Variants in POLN observed in about 807,000 individuals in gnomAD.
POLN encodes the protein DNA polymerase nu, also known as DNA polymerase N.
A neutral mutation model predicts 113.5 loss-of-function variants in POLN; 108 were observed. That is an observed-to-expected ratio of 0.95 (90% CI 0.81 to 1.12). The LOEUF (loss-of-function observed/expected upper bound fraction) is 1.12. POLN is among the 50% of genes most tolerant of loss of function. POLN has a pLI of 0.00. For synonymous variants in POLN, 386 were observed against 391.5 expected, an observed-to-expected ratio of 0.99 and a Z score of 0.17; for missense variants, 1,097 against 1,077.1, an observed-to-expected ratio of 1.02 and a Z score of -0.26.
chr4:2,242,101 G>T lies in POLN; in HGVS notation c.-334C>A. On this transcript the variant is annotated 5_prime_UTR_variant, in exon 1 of 26. Coordinates refer to ENST00000511885, the MANE Select transcript of POLN (RefSeq NM_181808.4). ...CAGGAGCCCGCCGCCACCGCCCTCC[G>T]TGCCCCGCGCGCCTCGCACTGCCTC... 1 of 985,890 alleles carries T rather than the reference G, an allele frequency of 1.0e-6. No homozygotes were observed. Among genetic ancestry groups the T allele is most frequent in the Non-Finnish European group, 1.2e-6 (1 of 830,266 alleles). The allele number at this position is 985,890 out of a possible 1,614,324, so 61.1% of individuals were successfully genotyped here.
At chr4:2,222,714 T>TTTTTCCACAGGATCTA (rs1278047056) in intron 3 of POLN, among the ~76,000 whole-genome samples, 1 of 141,606 alleles carries the variant, frequency 7.1e-6, no homozygotes, top group African/African-American at 2.8e-5. Flanking sequence ...TTTTTTTTTA[T>TTTTTCCACAGGATCTA]TTTTCCACAG....
chr4:2,140,105 G>A (rs1455564222), intron 16 of POLN: 1 of 151,908 alleles, frequency 6.6e-6, no homozygotes, highest in Admixed American at 6.6e-5. Context: ...TTGAGACAGA[G>A]TCTCACTCTG....
intron 2 of POLN, among the ~76,000 whole-genome samples, chr4:2,236,788 G>A (rs1577799119): frequency 6.6e-6 from 1 of 151,696 alleles, no homozygotes; most frequent in Non-Finnish European, 1.5e-5. Flanking sequence ...GCTTGAACTC[G>A]GGAGGCAGAG....
chr4:2,085,749 C>A lies in POLN; in HGVS notation c.2066-5G>T. On this transcript the variant is annotated splice_region_variant and splice_polypyrimidine_tract_variant and intron_variant, in intron 20 of 25. Transcript: ENST00000511885. The stretch of plus-strand genomic sequence containing the variant: ...AAGCAGCCAGCCGCTCCTTCCCTGT[C>A]AGTCAGAGAGACGCATGTCAAAGCC... The A allele has an allele frequency of 6.2e-7, 1 of 1,613,452 alleles. No homozygotes were observed. The highest frequency in any genetic ancestry group is 1.1e-5 in the South Asian group (1 of 91,066).
intron 5 of POLN, among the ~76,000 whole-genome samples, chr4:2,203,883 G>A (rs1432330355): frequency 6.6e-6 from 1 of 152,070 alleles, no homozygotes; most frequent in African/African-American, 2.4e-5. Flanking sequence ...GCAGAGGAGG[G>A]TGGATCACCT....
intron 20 of POLN, among the ~76,000 whole-genome samples, chr4:2,092,329 A>G (rs1287652834): frequency 6.6e-6 from 1 of 152,262 alleles, no homozygotes; most frequent in Non-Finnish European, 1.5e-5. Context: ...ATAAACACTC[A>G]GATCAAGACC....
intron 3 of POLN, 28 bp downstream of exon 3, chr4:2,229,071 G>A: frequency 6.4e-7 from 1 of 1,558,972 alleles, no homozygotes; most frequent in Non-Finnish European, 8.8e-7. Flanking sequence ...AGTATCAAGA[G>A]AAAGAAAGGT....
chr4:2,165,407 G>A (rs531561218), intron 13 of POLN, among the ~76,000 whole-genome samples: 8 of 152,342 alleles, frequency 5.3e-5, no homozygotes, highest in Admixed American at 6.5e-5. Flanking sequence ...CACAGTGGCT[G>A]TCAGGGGCTG....
At chr4:2,135,391 C>T (rs1403328824) in intron 16 of POLN, among the ~76,000 whole-genome samples, 2 of 152,216 alleles carry the variant, frequency 1.3e-5, no homozygotes, top group Non-Finnish European at 2.9e-5. Context: ...CAATGCTCCC[C>T]GTTGGTTGTG....
At chr4:2,142,268 T>C (rs139859409) in intron 16 of POLN, among the ~76,000 whole-genome samples, 1 of 152,336 alleles carries the variant, frequency 6.6e-6, no homozygotes, top group African/African-American at 2.4e-5. Context: ...ATTCCTTTAT[T>C]CTCAGCTGTA....
At chr4:2,228,757 T>G (rs1734473867) in intron 3 of POLN, 1 of 208,128 alleles carries the variant, frequency 4.8e-6, no homozygotes, top group Non-Finnish European at 9.6e-6. Context: ...ACATATCTCT[T>G]GTTCACCACA....
chr4:2,141,732 G>A (rs34810108), intron 16 of POLN, among the ~76,000 whole-genome samples: 2 of 152,202 alleles, frequency 1.3e-5, no homozygotes, highest in Non-Finnish European at 2.9e-5. Context: ...CAGAAAACAT[G>A]GGCAGCCTTG....
intron 2 of POLN, chr4:2,238,555 G>A (rs1240478872): frequency 7.9e-6 from 10 of 1,270,784 alleles, no homozygotes; most frequent in African/African-American, 4.5e-5. Flanking sequence ...CTAGTATTTC[G>A]CAAAAACAAA....
At position 2,104,280 on chromosome 4, in the gene POLN, C is replaced by T. The variant is rs540634299; in HGVS notation, c.1983-8347G>A. Among the ~76,000 whole-genome samples, 7 of 152,338 alleles carry T rather than the reference C, an allele frequency of 4.6e-5. No homozygotes were observed. In the East Asian group the frequency reaches 1.2e-3, roughly 25 times the overall value. ...CACTGTATGGATAGACCATATCTTG[C>T]TTACTTGTTCTGCTGACAGACAGTT... On this transcript the variant is annotated intron_variant, in intron 19 of 25. Transcript: ENST00000511885.
intron 16 of POLN, among the ~76,000 whole-genome samples, chr4:2,136,459 T>A (rs1407359552): frequency 1.3e-5 from 2 of 152,242 alleles, no homozygotes; most frequent in East Asian, 3.8e-4. Context: ...GCCAGCCATG[T>A]GGATGGGGCA....
At chr4:2,081,163 GTGCCAGGGCCACAGATGAC>G in intron 22 of POLN, 127 bp from the exon 23 acceptor site, 1 of 1,596,746 alleles carries the variant, frequency 6.3e-7, no homozygotes, top group Non-Finnish European at 8.5e-7. Flanking sequence ...AGCTGTCTGA[GTGCCAGGGCCACAGATGAC>G]TGCAGGCAGA....
intron 6 of POLN, among the ~76,000 whole-genome samples, chr4:2,195,545 G>A (rs1343092973): frequency 1.3e-5 from 2 of 149,462 alleles, no homozygotes; most frequent in Admixed American, 6.7e-5. Context: ...GTGCAGTAGT[G>A]CAATCACAGC....
At chr4:2,207,849 T>C (rs934693056) in intron 5 of POLN, 138 bp downstream of exon 5, 4 of 965,516 alleles carry the variant, frequency 4.1e-6, no homozygotes, top group African/African-American at 3.3e-5. Flanking sequence ...GGAGCATACA[T>C]TGTCAATCAC....
At chr4:2,197,002 G>A (rs1032660708) in intron 6 of POLN, among the ~76,000 whole-genome samples, 3 of 152,186 alleles carry the variant, frequency 2.0e-5, no homozygotes, top group Non-Finnish European at 2.9e-5. Context: ...GAGAGGAGGA[G>A]GTGAGGTTGA....
Sources: gnomAD v4.1 joint callset for allele counts (sites outside exome capture counted in the v4.1 genomes callset) on GRCh38, gnomAD v4.1.1 for gene constraint, MANE v1.5 for transcripts, NCBI Gene and HGNC (gene_info 2026-07-23, HGNC 2026-07-21) for gene names.